HS1BP3: variants seen among roughly 807,000 people sequenced by gnomAD.
HS1BP3 encodes the protein HCLS1-binding protein 3.
HS1BP3 carries 32 observed loss-of-function variants against 33.5 expected under a neutral mutation model. The ratio of observed to expected loss-of-function variants is 0.95; its 90% CI spans 0.72 to 1.28. HS1BP3 has a LOEUF of 1.28. Among genes scored for constraint, HS1BP3 ranks in the 50% most tolerant of loss-of-function variants. The pLI is 0.00. For synonymous variants in HS1BP3, 187 were observed against 209.2 expected (o/e 0.89, Z 0.92); for missense variants, 486 against 502.3 (o/e 0.97, Z 0.31).
At chr2:20,636,175 C>T (rs1215884814) in intron 4 of HS1BP3, 1 of 152,238 alleles carries the variant, frequency 6.6e-6, no homozygotes, top group Non-Finnish European at 1.5e-5. Flanking sequence ...CCGAGAAGAA[C>T]AGAAAGTCCC....
intron 3 of HS1BP3, among the ~76,000 whole-genome samples, chr2:20,593,744 G>A (rs1280532064): frequency 6.6e-6 from 1 of 152,178 alleles, no homozygotes. Flanking sequence ...GTGTGTGCAG[G>A]GAACTGTGTA....
At chr2:20,641,321 C>T (rs1304363676) in intron 2 of HS1BP3, 141 bp from the exon 3 acceptor site, 3 of 691,242 alleles carry the variant, frequency 4.3e-6, no homozygotes, top group African/African-American at 3.6e-5. Context: ...CTGCCTGTCT[C>T]CCAGCCTCAG....
At chr2:20,642,858 A>G (rs568824992) in intron 2 of HS1BP3, among the ~76,000 whole-genome samples, 2 of 152,326 alleles carry the variant, frequency 1.3e-5, no homozygotes, top group Admixed American at 1.3e-4. Flanking sequence ...GGCACTGCTG[A>G]GCACGGGGCA....
At position 20,560,810 on chromosome 2, in the gene HS1BP3, C is replaced by T. The variant is rs542679921; in HGVS notation, c.303-295G>A. ...CAGGCAGGTCCCAAAGCGGTGGTGC[C>T]CCTAGAGTAGCTGAGGACACTGTTC... On this transcript the variant is annotated intron_variant, in intron 5 of 5. Transcript: ENST00000446825. Among the ~76,000 whole-genome samples the T allele has an allele frequency of 3.3e-5, 5 of 152,208 alleles. No homozygotes were observed. In the South Asian group the frequency reaches 1.0e-3, roughly 32 times the overall value.
intron 5 of HS1BP3, among the ~76,000 whole-genome samples, chr2:20,570,471 G>A (rs534702905): frequency 1.3e-5 from 2 of 152,272 alleles, no homozygotes; most frequent in Admixed American, 6.5e-5. Flanking sequence ...CCTAGCTGCC[G>A]GGCTCATTGG....
At chr2:20,613,626 G>A (rs1402878027), downstream of HS1BP3, among the ~76,000 whole-genome samples, 2 of 152,270 alleles carry the variant, frequency 1.3e-5, no homozygotes, top group Non-Finnish European at 2.9e-5. Flanking sequence ...TCCAGCTTTT[G>A]ATAGAGAGAA....
downstream of HS1BP3, among the ~76,000 whole-genome samples, chr2:20,591,754 T>C (rs1693821664): frequency 6.6e-6 from 1 of 152,028 alleles, no homozygotes; most frequent in Non-Finnish European, 1.5e-5. Flanking sequence ...AGTAGAGACG[T>C]GGTTTCATCA....
intron 1 of HS1BP3, among the ~76,000 whole-genome samples, 187 bp downstream of exon 1, chr2:20,650,845 T>C (rs1470085566): frequency 1.3e-5 from 2 of 152,076 alleles, no homozygotes; most frequent in Non-Finnish European, 2.9e-5. Flanking sequence ...GGTTTCCTCA[T>C]CTGTAAATCG....
intron 3 of HS1BP3, among the ~76,000 whole-genome samples, chr2:20,596,202 C>T (rs1693939224): frequency 6.6e-6 from 1 of 152,238 alleles, no homozygotes. Flanking sequence ...CCTCTCGCTC[C>T]TGCCTTGGCC....
chr2:20,600,321 G>A (rs544121153), intron 2 of HS1BP3, among the ~76,000 whole-genome samples: 166 of 152,256 alleles, frequency 1.1e-3, no homozygotes, highest in Non-Finnish European at 2.2e-3. Context: ...TGAGGGCGAG[G>A]TTGGCTGAGG....
At chr2:20,566,837 C>A (rs1254224411) in intron 5 of HS1BP3, among the ~76,000 whole-genome samples, 1 of 151,950 alleles carries the variant, frequency 6.6e-6, no homozygotes, top group African/African-American at 2.4e-5. Flanking sequence ...AAACTCCTGA[C>A]CTCAGGTGAT....
intron 2 of HS1BP3, among the ~76,000 whole-genome samples, chr2:20,643,447 A>G (rs1012485055): frequency 6.6e-6 from 1 of 152,188 alleles, no homozygotes; most frequent in African/African-American, 2.4e-5. Context: ...AACCTGGATC[A>G]AGTCAAATTA....
intron 6 of HS1BP3, among the ~76,000 whole-genome samples, chr2:20,621,164 G>A (rs1446255951): frequency 6.6e-6 from 1 of 152,232 alleles, no homozygotes; most frequent in Non-Finnish European, 1.5e-5. Flanking sequence ...GGATAGAGAG[G>A]CGATACCTCT....
intron 4 of HS1BP3, among the ~76,000 whole-genome samples, chr2:20,627,460 C>T (rs878862482): frequency 1.3e-5 from 2 of 152,218 alleles, no homozygotes; most frequent in African/African-American, 4.8e-5. Context: ...AGAACAGGCG[C>T]GAGGAGGTCT....
At chr2:20,622,248 A>G (rs1694628436) in intron 6 of HS1BP3, 1 of 1,303,022 alleles carries the variant, frequency 7.7e-7, no homozygotes, top group Admixed American at 2.3e-5. Context: ...GTCACAGGGC[A>G]GACACAAAGA....
At chr2:20,640,672 G>A (rs1695311226) in intron 3 of HS1BP3, 2 of 578,122 alleles carry the variant, frequency 3.5e-6, no homozygotes, top group Non-Finnish European at 6.3e-6. Context: ...TGGTCAGTCG[G>A]GGGGTGTCGG....
At chr2:20,650,018 G>A (rs375119201) in intron 1 of HS1BP3, among the ~76,000 whole-genome samples, 1 of 152,232 alleles carries the variant, frequency 6.6e-6, no homozygotes, top group East Asian at 1.9e-4. Context: ...GGCTTGGTGA[G>A]AGGAGGTGAC....
rs747580515 is a variant in HS1BP3, at chr2:20,640,905, G to A, written c.406+68C>T. 99 of 1,485,514 alleles carry A rather than the reference G, an allele frequency of 6.7e-5. No homozygotes were observed. In the Middle Eastern group the frequency reaches 2.6e-3, roughly 39 times the overall value. 92.0% of individuals were successfully genotyped at this position (1,485,514 alleles called of 1,614,324 possible). ...GGCAGCTGTGGACATGCTCCCACTGGGGCACGGCAGCGGGGCCTAGTTCTG... is the reference window on the plus strand; with the variant it reads ...GGCAGCTGTGGACATGCTCCCACTGAGGCACGGCAGCGGGGCCTAGTTCTG... On this transcript the variant is annotated intron_variant, in intron 3 of 6. Transcript: ENST00000304031.
rs1572337623 is a variant in HS1BP3 at position 20,618,952 on chromosome 2, A to G, written c.*35T>C. On this transcript the variant is annotated 3_prime_UTR_variant, in exon 7 of 7. Coordinates refer to ENST00000304031, the MANE Select transcript of HS1BP3 (RefSeq NM_022460.4). ...TCCCTTCACACCGATGTCCCCACAG[A>G]CAGGCCTGCTGGGCCAGGGGCCAGC... 1 of 1,595,972 alleles carries G rather than the reference A, an allele frequency of 6.3e-7. No individual in the cohort carries two copies. The highest frequency in any genetic ancestry group is 2.2e-5 in the East Asian group (1 of 44,648).
Sources: allele counts gnomAD v4.1 joint callset (sites outside exome capture counted in the v4.1 genomes callset), GRCh38; gene constraint gnomAD v4.1.1; transcripts MANE v1.5; gene names NCBI Gene and HGNC (gene_info 2026-07-23, HGNC 2026-07-21).